Variants in FRMPD3 observed in about 807,000 individuals in gnomAD.
The protein encoded by FRMPD3 is FERM and PDZ domain containing 3.
Under a neutral mutation model 97.9 loss-of-function variants are expected in FRMPD3, and 42 were observed. The ratio of observed to expected loss-of-function variants is 0.43; its 90% CI spans 0.34 to 0.55. The LOEUF is 0.55. Ranked by LOEUF, FRMPD3 falls within the 20% of genes least tolerant of loss-of-function variation. The pLI, the probability that FRMPD3 is intolerant of heterozygous loss-of-function variation, is 0.03. For synonymous variants in FRMPD3, 577 were observed against 581.1 expected (o/e 0.99, Z 0.10); for missense variants, 1,303 against 1,457.7 (o/e 0.89, Z 1.73).
intron 1 of FRMPD3, among the ~76,000 whole-genome samples, chrX:107,524,910 C>T (rs1244652046): frequency 9.9e-6 from 1 of 101,503 alleles, no homozygotes; most frequent in Non-Finnish European, 2.0e-5. Context: ...GCAGGAGAAT[C>T]GCTTGAACCT....
Position 107,545,759 on chromosome X carries a change from G to T in FRMPD3, c.320G>T (p.Ser107Ile). The change falls in exon 5 of 15, where the codon AGT becomes ATT. Residue 107 changes from serine to isoleucine, a missense_variant. Ser to Ile is a moderately radical substitution (Grantham distance 142). Coordinates refer to ENST00000683843, the MANE Select transcript of FRMPD3 (RefSeq NM_001388459.1). ...THQSPKSAFI[S>I]AAKKAKLRSN... Reference sequence around the variant, plus strand: ...CAGTCCCCCAAATCTGCTTTCATCAGTGCTGCGAAGAAGGCCAAGTTGAGG... The same window carrying T: ...CAGTCCCCCAAATCTGCTTTCATCATTGCTGCGAAGAAGGCCAAGTTGAGG... 1 of 1,209,869 alleles carries T rather than the reference G, an allele frequency of 8.3e-7. No homozygotes were observed. Among genetic ancestry groups the T allele is most frequent in the South Asian group, 1.8e-5 (1 of 56,934 alleles).
At chrX:107,587,815 C>G (rs1602853863) in intron 13 of FRMPD3, among the ~76,000 whole-genome samples, 1 of 112,107 alleles carries the variant, frequency 8.9e-6, no homozygotes, top group South Asian at 3.7e-4. Context: ...CACTCCATTG[C>G]CCAGGCTGGA....
At chrX:107,474,987 T>A (rs1921161685) in intron 1 of FRMPD3, among the ~76,000 whole-genome samples, 1 of 111,592 alleles carries the variant, frequency 9.0e-6, no homozygotes, top group Admixed American at 9.5e-5. Flanking sequence ...GGTGTATATT[T>A]CAAAATCTTA....
rs895928073 is a variant in FRMPD3, at chrX:107,449,898, TGCCGCCGCCGCC to T, written c.-103_-92del. On this transcript the variant is annotated 5_prime_UTR_variant, in exon 1 of 15. Coordinates refer to ENST00000683843, the MANE Select transcript of FRMPD3 (RefSeq NM_001388459.1). ...GGGGGCACGGGTGCCCTAGTCCCGCTGCCGCCGCCGCCGCCGCCGCCGCTGCGCCGCCGCTGC... is the reference window on the plus strand; with the variant it reads ...GGGGGCACGGGTGCCCTAGTCCCGCTGCCGCCGCCGCTGCGCCGCCGCTGC... Among the ~76,000 whole-genome samples the T allele has an allele frequency of 7.4e-5, 8 of 107,662 alleles. No individual in the cohort carries two copies. Among genetic ancestry groups the T allele is most frequent in the African/African-American group, 2.0e-4 (6 of 29,932 alleles). The allele number at this position is 107,662 out of a possible 115,157, so 93.5% of individuals were successfully genotyped here.
chrX:107,508,724 T>G (rs754467753), intron 1 of FRMPD3, among the ~76,000 whole-genome samples: 172 of 111,873 alleles, frequency 1.5e-3, no homozygotes, highest in African/African-American at 5.1e-3. Context: ...AGCCCCTCTT[T>G]GCACTAAGGA....
intron 12 of FRMPD3, among the ~76,000 whole-genome samples, chrX:107,573,362 TATATCCTTCTGCCATCA>T (rs1922982865): frequency 8.9e-6 from 1 of 111,762 alleles, no homozygotes; most frequent in African/African-American, 3.3e-5. Flanking sequence ...TCTGTATCTG[TATATCCTTCTGCCATCA>T]GTGGCAGGGC....
intron 1 of FRMPD3, among the ~76,000 whole-genome samples, chrX:107,493,470 C>T (rs1172920722): frequency 9.0e-6 from 1 of 111,583 alleles, no homozygotes; most frequent in East Asian, 2.8e-4. Context: ...ATTTGAGCAG[C>T]CAAAGAATAT....
intron 1 of FRMPD3, among the ~76,000 whole-genome samples, chrX:107,467,629 A>G: frequency 9.0e-6 from 1 of 111,398 alleles, no homozygotes; most frequent in East Asian, 2.8e-4. Flanking sequence ...TAACTGCATT[A>G]AGGTTAGGAA....
intron 2 of FRMPD3, among the ~76,000 whole-genome samples, chrX:107,529,522 T>A (rs1454655022): frequency 9.1e-6 from 1 of 110,411 alleles, no homozygotes; most frequent in Non-Finnish European, 1.9e-5. Flanking sequence ...GAGGGGCAAG[T>A]TACAGTGAGC....
At chrX:107,529,001 T>G (rs1449494759) in intron 2 of FRMPD3, among the ~76,000 whole-genome samples, 2 of 113,023 alleles carry the variant, frequency 1.8e-5, no homozygotes, top group Admixed American at 1.9e-4. Context: ...GGCAGCCCCC[T>G]TCTTTGGAGA....
At position 107,603,651 on chromosome X, in the gene FRMPD3, T is replaced by A; in HGVS notation, c.*278T>A. ...ACTCTGCTCACAGCAGAGCTGTATTTTATCTCTTCTCTGGGGCTGAGAGGT... is the reference window on the plus strand; with the variant it reads ...ACTCTGCTCACAGCAGAGCTGTATTATATCTCTTCTCTGGGGCTGAGAGGT... On this transcript the variant is annotated 3_prime_UTR_variant, in exon 15 of 15. Coordinates refer to ENST00000683843, the MANE Select transcript of FRMPD3 (RefSeq NM_001388459.1). 1 of 303,065 alleles carries A rather than the reference T, an allele frequency of 3.3e-6. No homozygotes were observed. The highest frequency in any genetic ancestry group is 5.5e-6 in the Non-Finnish European group (1 of 180,879). The allele number at this position is 303,065 out of a possible 1,213,427, so 25.0% of individuals were successfully genotyped here. A position where few individuals can be genotyped will look rare whatever the true frequency, so the allele number is the denominator to read the frequency against.
chrX:107,504,714 C>CA (rs2147531027), intron 1 of FRMPD3, among the ~76,000 whole-genome samples: 1 of 112,014 alleles, frequency 8.9e-6, no homozygotes, highest in Admixed American at 9.4e-5. Context: ...CAGCTTCCAA[C>CA]AAAATAAAGC....
At chrX:107,512,097 G>T (rs1441472508) in intron 1 of FRMPD3, among the ~76,000 whole-genome samples, 1 of 109,326 alleles carries the variant, frequency 9.1e-6, no homozygotes, top group Admixed American at 9.7e-5. Context: ...TACAGCCTCC[G>T]GTGAGTGGGA....
At chrX:107,520,113 C>T (rs1453263363) in intron 1 of FRMPD3, among the ~76,000 whole-genome samples, 1 of 110,851 alleles carries the variant, frequency 9.0e-6, no homozygotes. Context: ...CTGGTGGTGA[C>T]TGAAGTGAAC....
chrX:107,505,915 G>A (rs1922018775), intron 1 of FRMPD3, among the ~76,000 whole-genome samples: 1 of 111,658 alleles, frequency 9.0e-6, no homozygotes, highest in African/African-American at 3.3e-5. Flanking sequence ...CATGGGACGA[G>A]GATTCTCTCC....
intron 13 of FRMPD3, among the ~76,000 whole-genome samples, chrX:107,588,233 G>A (rs748346715): frequency 9.1e-6 from 1 of 109,391 alleles, no homozygotes; most frequent in Non-Finnish European, 1.9e-5. Flanking sequence ...TGATGATTAT[G>A]TGTCTTGTGG....
At chrX:107,554,042 G>A (rs145751555) in intron 7 of FRMPD3, among the ~76,000 whole-genome samples, 1 of 111,480 alleles carries the variant, frequency 9.0e-6, no homozygotes, top group East Asian at 2.8e-4. Context: ...TAAGGTAAAG[G>A]CATGAATCCC....
intron 8 of FRMPD3, among the ~76,000 whole-genome samples, chrX:107,557,404 T>G (rs1922124458): frequency 9.0e-6 from 1 of 110,951 alleles, no homozygotes; most frequent in Admixed American, 9.6e-5. Flanking sequence ...TTTCTTCCAG[T>G]GTGTAGCTTT....
intron 1 of FRMPD3, among the ~76,000 whole-genome samples, chrX:107,491,547 C>T (rs1045064907): frequency 8.9e-6 from 1 of 112,530 alleles, no homozygotes; most frequent in Admixed American, 9.4e-5. Context: ...CTGTGTTGTA[C>T]TACCTCTCGT....
Sources: gnomAD v4.1 joint callset for allele counts (sites outside exome capture counted in the v4.1 genomes callset) on GRCh38, gnomAD v4.1.1 for gene constraint, MANE v1.5 for transcripts, NCBI Gene and HGNC (gene_info 2026-07-23, HGNC 2026-07-21) for gene names.